The following SHQ1 variants were observed in gnomAD, a reference collection of about 807,000 sequenced individuals.
The protein encoded by SHQ1 is SHQ1, H/ACA ribonucleoprotein assembly factor.
Under a neutral mutation model 53.8 loss-of-function variants are expected in SHQ1, and 49 were observed. That is an observed-to-expected ratio of 0.91 (90% confidence interval 0.72 to 1.16). The LOEUF (loss-of-function observed/expected upper bound fraction) is 1.16, where lower values mean the gene tolerates loss of function less well. SHQ1 is among the 50% of genes most tolerant of loss of function. The pLI, the probability that SHQ1 is intolerant of heterozygous loss-of-function variation, is 0.00. For missense variants in SHQ1, 738 were observed against 683.1 expected, an observed-to-expected ratio of 1.08 and a Z score of -0.90; for synonymous variants, 243 against 251.0, an observed-to-expected ratio of 0.97 and a Z score of 0.30.
At chr3:72,822,344 C>A (rs1222512659) in intron 6 of SHQ1, among the ~76,000 whole-genome samples, 5 of 152,164 alleles carry the variant, frequency 3.3e-5, no homozygotes, top group Non-Finnish European at 5.9e-5. Flanking sequence ...ACCAGCCTGG[C>A]TATCAGTCAT....
At chr3:72,753,172 AG>A in intron 10 of SHQ1, 5 of 985,446 alleles carry the variant, frequency 5.1e-6, no homozygotes, top group Non-Finnish European at 6.0e-6. Context: ...AGTGAGTGAA[AG>A]TGGTAAACAT....
intron 4 of SHQ1, among the ~76,000 whole-genome samples, chr3:72,836,358 G>A (rs892896694): frequency 7.9e-5 from 12 of 152,070 alleles, no homozygotes; most frequent in Non-Finnish European, 1.0e-4. Flanking sequence ...GTGTGGTGGC[G>A]GGCACCTGTA....
chr3:72,789,015 A>G (rs2106783578), intron 10 of SHQ1, among the ~76,000 whole-genome samples: 1 of 150,756 alleles, frequency 6.6e-6, no homozygotes, highest in Middle Eastern at 3.5e-3. Context: ...CCTTCCCTCC[A>G]CTATTGTCCT....
intron 10 of SHQ1, among the ~76,000 whole-genome samples, chr3:72,783,191 T>TA (rs1457551006): frequency 6.6e-6 from 1 of 152,100 alleles, no homozygotes; most frequent in Non-Finnish European, 1.5e-5. Flanking sequence ...GCCACAGCTA[T>TA]AAAATGGGCT....
chr3:72,752,966 G>C (rs1481426899), intron 10 of SHQ1: 1 of 985,140 alleles, frequency 1.0e-6, no homozygotes, highest in African/African-American at 1.7e-5. Context: ...ACCAGCCGAA[G>C]ACGCTTTTCC....
At position 72,760,151 on chromosome 3, in the gene SHQ1, C is replaced by T. The variant is rs911529732; in HGVS notation, c.1182-9315G>A. Reference sequence around the variant, plus strand: ...TTCAAGCACATCCCCCATATCACTTCCAATGTTTTCGTGAAATCCTTGATC... The same window carrying T: ...TTCAAGCACATCCCCCATATCACTTTCAATGTTTTCGTGAAATCCTTGATC... On this transcript the variant is annotated intron_variant, in intron 10 of 10. Coordinates refer to ENST00000325599, the MANE Select transcript of SHQ1 (RefSeq NM_018130.3). Among the ~76,000 whole-genome samples, 3 of 152,182 alleles carry T rather than the reference C, an allele frequency of 2.0e-5. No individual in the cohort carries two copies. In the East Asian group the frequency reaches 5.8e-4, roughly 29 times the overall value.
In SHQ1 at chr3:72,832,364, C is replaced by T. The variant is rs766976954; in HGVS notation, c.599+5G>A. Reference sequence around the variant, plus strand: ...TATTTAATCCTCAAAAATCTCATTACTCACAGATAATGATCAGGATCAAAC... The same window carrying T: ...TATTTAATCCTCAAAAATCTCATTATTCACAGATAATGATCAGGATCAAAC... On this transcript the variant is annotated splice_donor_5th_base_variant and intron_variant, in intron 5 of 10. Coordinates refer to ENST00000325599, the MANE Select transcript of SHQ1 (RefSeq NM_018130.3). The T allele has an allele frequency of 6.3e-7, 1 of 1,590,088 alleles. No homozygotes were observed. The highest frequency in any genetic ancestry group is 1.7e-5 in the Admixed American group (1 of 59,416).
At chr3:72,773,365 A>C (rs1705893757) in intron 10 of SHQ1, 4 of 523,826 alleles carry the variant, frequency 7.6e-6, no homozygotes, top group South Asian at 6.6e-5. Flanking sequence ...GGAAAGGAAA[A>C]GATGACACAG....
At chr3:72,781,008 T>G (rs1484751650) in intron 10 of SHQ1, among the ~76,000 whole-genome samples, 1 of 151,462 alleles carries the variant, frequency 6.6e-6, no homozygotes, top group African/African-American at 2.4e-5. Flanking sequence ...TAGAAGCAAA[T>G]AAAGTAAAAA....
intron 9 of SHQ1, among the ~76,000 whole-genome samples, chr3:72,796,567 T>G (rs1346991293): frequency 6.6e-6 from 1 of 152,156 alleles, no homozygotes; most frequent in Admixed American, 6.5e-5. Context: ...ATGCCTCTAA[T>G]CCCAGCACTT....
rs562698045 is a variant in SHQ1, at chr3:72,761,172, A to T, written c.1182-10336T>A. Among the ~76,000 whole-genome samples the T allele has an allele frequency of 1.6e-3, 250 of 152,008 alleles. 2 individuals carry two copies. Among genetic ancestry groups the T allele is most frequent in the African/African-American group, 5.7e-3 (235 of 41,472 alleles). ...ATTTTTATTTTTACTTATTTTTAAA[A>T]TTTTTTTTATTCTTTTAGAGATGGA... On this transcript the variant is annotated intron_variant, in intron 10 of 10. Coordinates refer to ENST00000325599, the MANE Select transcript of SHQ1 (RefSeq NM_018130.3).
intron 10 of SHQ1, chr3:72,753,060 T>G: frequency 2.0e-6 from 2 of 985,348 alleles, no homozygotes; most frequent in Non-Finnish European, 2.4e-6. Flanking sequence ...CATTTAGTTG[T>G]TTTTTGTTTC....
chr3:72,746,102 C>CA (rs886196528), downstream of SHQ1, among the ~76,000 whole-genome samples: 14 of 152,180 alleles, frequency 9.2e-5, no homozygotes, highest in Non-Finnish European at 1.2e-4. Context: ...CTCGGCCTCC[C>CA]AAAGTGCTGA....
intron 9 of SHQ1, 29 bp from the exon 10 acceptor site, chr3:72,793,065 A>T (rs1163756921): frequency 6.4e-7 from 1 of 1,569,974 alleles, no homozygotes; most frequent in African/African-American, 1.4e-5. Context: ...ACATAAAATT[A>T]TCCTTAAGAA....
intron 9 of SHQ1, among the ~76,000 whole-genome samples, chr3:72,802,738 T>C (rs1395830365): frequency 6.6e-6 from 1 of 152,170 alleles, no homozygotes; most frequent in East Asian, 1.9e-4. Flanking sequence ...TCCTTCCCTA[T>C]TAATCCCTCC....
intron 5 of SHQ1, among the ~76,000 whole-genome samples, chr3:72,827,283 G>A (rs1346092972): frequency 1.3e-5 from 2 of 152,024 alleles, no homozygotes; most frequent in Non-Finnish European, 2.9e-5. Flanking sequence ...CAATAGGTAG[G>A]TGGACATACA....
chr3:72,755,242 TGATG>T (rs887843181), intron 10 of SHQ1, among the ~76,000 whole-genome samples: 2 of 151,568 alleles, frequency 1.3e-5, no homozygotes, highest in African/African-American at 2.4e-5. Flanking sequence ...TACAATAAGT[TGATG>T]GATGGATGGA....
At position 72,779,947 on chromosome 3, in the gene SHQ1, G is replaced by A. The variant is rs542043557; in HGVS notation, c.1181+12969C>T. The stretch of plus-strand genomic sequence containing the variant: ...AAGGTTGGATCTTTCTGATAAAAAG[G>A]TACAAGGCCAGGCGAGGTGGCTCAT... On this transcript the variant is annotated intron_variant, in intron 10 of 10. Transcript: ENST00000325599. Among the ~76,000 whole-genome samples, 16 of 152,252 alleles carry A rather than the reference G, an allele frequency of 1.1e-4. No individual in the cohort carries two copies. In the South Asian group the frequency reaches 3.3e-3, roughly 32 times the overall value.
At chr3:72,827,281 AG>A in intron 5 of SHQ1, among the ~76,000 whole-genome samples, 1 of 152,216 alleles carries the variant, frequency 6.6e-6, no homozygotes, top group African/African-American at 2.4e-5. Flanking sequence ...TCCAATAGGT[AG>A]GTGGACATAC....
Sources: gnomAD v4.1 joint callset for allele counts (sites outside exome capture counted in the v4.1 genomes callset) on GRCh38, gnomAD v4.1.1 for gene constraint, MANE v1.5 for transcripts, NCBI Gene and HGNC (gene_info 2026-07-23, HGNC 2026-07-21) for gene names.